The following CTIF variants were observed in gnomAD, a reference collection of about 807,000 sequenced individuals.
CTIF encodes CBP80/20-dependent translation initiation factor.
CTIF carries 21 observed loss-of-function variants against 66.0 expected under a neutral mutation model. The observed-to-expected ratio is 0.32, with a 90% CI of 0.23 to 0.46. CTIF has a LOEUF of 0.46. Ranked by LOEUF, CTIF falls within the 20% of genes least tolerant of loss-of-function variation. The pLI, the probability that CTIF is intolerant of heterozygous loss-of-function variation, is 1.00. For missense variants in CTIF, 739 were observed against 812.7 expected, an observed-to-expected ratio of 0.91 and a Z score of 1.10; for synonymous variants, 345 against 326.4, an observed-to-expected ratio of 1.06 and a Z score of -0.62.
chr18:48,625,836 T>C (rs749302198), intron 2 of CTIF, among the ~76,000 whole-genome samples: 11 of 152,174 alleles, frequency 7.2e-5, no homozygotes, highest in Non-Finnish European at 1.3e-4. Flanking sequence ...CATGCCTCCT[T>C]CTGCACAAAT....
chr18:48,554,253 G>C (rs952075773), intron 1 of CTIF, among the ~76,000 whole-genome samples: 7 of 152,220 alleles, frequency 4.6e-5, no homozygotes, highest in African/African-American at 1.2e-4. Context: ...AGAGAAACCA[G>C]TGACTTGGCC....
chr18:48,544,431 G>T (rs2088697840), intron 1 of CTIF, among the ~76,000 whole-genome samples: 1 of 152,216 alleles, frequency 6.6e-6, no homozygotes, highest in Non-Finnish European at 1.5e-5. Context: ...CAGGTCCAGT[G>T]CTCAGGGCTG....
At position 48,633,732 on chromosome 18, in the gene CTIF, TAAATA is replaced by T. The variant is rs1346705881; in HGVS notation, c.181-2879_181-2875del. Among the ~76,000 whole-genome samples the T allele has an allele frequency of 2.0e-4, 30 of 151,022 alleles. 1 individual carries two copies. The highest frequency in any genetic ancestry group is 4.6e-4 in the Admixed American group (7 of 15,176). On this transcript the variant is annotated intron_variant, in intron 2 of 11. Transcript: ENST00000256413. The stretch of plus-strand genomic sequence containing the variant: ...ATAAATAAATAAATAAATAAATAAA[TAAATA>T]AATGTACATATATACTTATAGTTAT...
At chr18:48,583,438 G>A (rs567460896) in intron 1 of CTIF, among the ~76,000 whole-genome samples, 13 of 152,292 alleles carry the variant, frequency 8.5e-5, no homozygotes, top group South Asian at 4.1e-4. Flanking sequence ...AGTTCAGGTC[G>A]CATTATTCTT....
intron 6 of CTIF, among the ~76,000 whole-genome samples, chr18:48,710,970 T>C (rs1264311832): frequency 6.6e-6 from 1 of 152,094 alleles, no homozygotes; most frequent in Non-Finnish European, 1.5e-5. Flanking sequence ...AGACCCTGTC[T>C]CAAATAATAA....
intron 9 of CTIF, among the ~76,000 whole-genome samples, chr18:48,772,315 C>A (rs915826977): frequency 6.6e-6 from 1 of 152,122 alleles, no homozygotes; most frequent in African/African-American, 2.4e-5. Context: ...ATTATTATTG[C>A]AGTAAAATAT....
rs566459444 is a variant in CTIF, at chr18:48,859,812, G to T, written c.*253G>T. ...GGAAGCATGTTTCTTTTTCCTGGTGGCCCTGGCCCTCCCCTTCCTCACTCC... is the reference window on the plus strand; with the variant it reads ...GGAAGCATGTTTCTTTTTCCTGGTGTCCCTGGCCCTCCCCTTCCTCACTCC... On this transcript the variant is annotated 3_prime_UTR_variant, in exon 12 of 12. Coordinates refer to ENST00000256413, the MANE Select transcript of CTIF (RefSeq NM_014772.3). 227 of 653,126 alleles carry T rather than the reference G, an allele frequency of 3.5e-4. 7 individuals carry two copies. The highest frequency in any genetic ancestry group is 3.4e-3 in the South Asian group (226 of 66,342). 40.5% of individuals were successfully genotyped at this position (653,126 alleles called of 1,614,324 possible).
intron 1 of CTIF, among the ~76,000 whole-genome samples, chr18:48,554,552 G>A (rs2145566181): frequency 6.6e-6 from 1 of 152,384 alleles, no homozygotes. Flanking sequence ...GCCCCCTGAA[G>A]GCAGGATCCA....
rs1568171681 is a variant in CTIF, at chr18:48,730,495, CTGCGGTGTGAGGGGCTT to C, written c.584+18801_584+18817del. 3.3e-4 allele frequency among the ~76,000 whole-genome samples: 39 copies of C among 119,174 alleles called. 8 individuals carry two copies. In the South Asian group the frequency reaches 3.5e-3, roughly 11 times the overall value. The allele number at this position is 119,174 out of a possible 152,430, so 78.2% of individuals were successfully genotyped here. A position where few individuals can be genotyped will look rare whatever the true frequency, so the allele number is the denominator to read the frequency against. The stretch of plus-strand genomic sequence containing the variant: ...GGGGCTTCCGCGGTGTGAGGGGCTT[CTGCGGTGTGAGGGGCTT>C]CTGCGGTGTGAGGGGCCCCTGTGGT... On this transcript the variant is annotated intron_variant, in intron 7 of 11. Transcript: ENST00000256413.
In CTIF at chr18:48,592,844, G is replaced by A. The variant is rs142328663; in HGVS notation, c.-28-26694G>A. ...TTCACAGGTGGCCTTTAGCTCCTTG[G>A]GCCCCAGGGAAAGAGGAACAAAGGG... On this transcript the variant is annotated intron_variant, in intron 1 of 11. Transcript: ENST00000256413. Among the ~76,000 whole-genome samples the A allele has an allele frequency of 9.8e-5, 15 of 152,320 alleles. No homozygotes were observed. The East Asian group carries it at 2.3e-3, about 23-fold the overall frequency.
chr18:48,851,200 C>T (rs1188692936), intron 10 of CTIF, among the ~76,000 whole-genome samples: 7 of 152,234 alleles, frequency 4.6e-5, no homozygotes, highest in African/African-American at 1.4e-4. Flanking sequence ...GCAGTGGCCC[C>T]AGGAGCCTGC....
At chr18:48,648,288 G>C (rs555540778) in intron 3 of CTIF, among the ~76,000 whole-genome samples, 1 of 152,254 alleles carries the variant, frequency 6.6e-6, no homozygotes, top group Admixed American at 6.5e-5. Flanking sequence ...AGGATGGACA[G>C]ACAGACACAG....
chr18:48,731,273 C>A (rs755843642), intron 7 of CTIF, among the ~76,000 whole-genome samples: 1 of 152,134 alleles, frequency 6.6e-6, no homozygotes, highest in Non-Finnish European at 1.5e-5. Context: ...ACCAGGACCC[C>A]CAAGAGCTGT....
chr18:48,574,133 G>T (rs868424020), intron 1 of CTIF, among the ~76,000 whole-genome samples: 2 of 152,178 alleles, frequency 1.3e-5, no homozygotes, highest in Non-Finnish European at 2.9e-5. Context: ...CCTTCCTGCC[G>T]GGGCGGCTTC....
At chr18:48,554,141 CTGT>C (rs2088959934) in intron 1 of CTIF, among the ~76,000 whole-genome samples, 1 of 152,214 alleles carries the variant, frequency 6.6e-6, no homozygotes, top group African/African-American at 2.4e-5. Context: ...TCATTTCTTG[CTGT>C]TGTTGGTGCC....
At chr18:48,597,912 C>G (rs1293304069) in intron 1 of CTIF, among the ~76,000 whole-genome samples, 2 of 152,188 alleles carry the variant, frequency 1.3e-5, no homozygotes, top group African/African-American at 4.8e-5. Context: ...GAGAACTTGG[C>G]TGTTTCAGAT....
intron 6 of CTIF, among the ~76,000 whole-genome samples, chr18:48,705,867 C>G (rs1478568123): frequency 6.6e-6 from 1 of 152,270 alleles, no homozygotes; most frequent in East Asian, 1.9e-4. Context: ...GTCCTCGGTC[C>G]TTCCTATGGG....
At chr18:48,653,526 A>G (rs2091194434) in intron 3 of CTIF, among the ~76,000 whole-genome samples, 1 of 152,178 alleles carries the variant, frequency 6.6e-6, no homozygotes, top group South Asian at 2.1e-4. Flanking sequence ...GGAAGAATCA[A>G]TATCATGAAA....
chr18:48,790,871 C>G (rs993062389), intron 9 of CTIF, among the ~76,000 whole-genome samples: 1 of 152,218 alleles, frequency 6.6e-6, no homozygotes, highest in Non-Finnish European at 1.5e-5. Context: ...AGCTGGCTCA[C>G]CTGCTGGGGT....
Sources: gnomAD v4.1 joint callset for allele counts (sites outside exome capture counted in the v4.1 genomes callset) on GRCh38, gnomAD v4.1.1 for gene constraint, MANE v1.5 for transcripts, NCBI Gene and HGNC (gene_info 2026-07-23, HGNC 2026-07-21) for gene names.